XPO7: variants seen among roughly 807,000 people sequenced by gnomAD.
The protein encoded by XPO7 is exportin 7.
In XPO7, 21 loss-of-function variants were observed where a neutral mutation model predicts 144.3. The observed-to-expected ratio is 0.15, with a 90% CI of 0.10 to 0.21. The LOEUF is 0.21. Ranked by LOEUF, XPO7 falls within the 10% of genes least tolerant of loss-of-function variation. The pLI, the probability that XPO7 is intolerant of heterozygous loss-of-function variation, is 1.00. For missense variants in XPO7, 808 were observed against 1,325.8 expected (o/e 0.61, Z 6.06); for synonymous variants, 580 against 499.6 (o/e 1.16, Z -2.15).
At chr8:21,931,436 T>C (rs1214977555) in intron 1 of XPO7, among the ~76,000 whole-genome samples, 3 of 152,122 alleles carry the variant, frequency 2.0e-5, no homozygotes, top group Admixed American at 1.3e-4. Flanking sequence ...TGAGCCACCG[T>C]ACCTGGCCCA....
intron 21 of XPO7, 135 bp from the exon 22 acceptor site, chr8:21,998,620 C>T: frequency 1.6e-6 from 1 of 633,984 alleles, no homozygotes; most frequent in Non-Finnish European, 2.7e-6. Context: ...CTTGGTTATT[C>T]TCATATTAGG....
chr8:21,969,079 C>T (rs1029435573), intron 2 of XPO7, among the ~76,000 whole-genome samples: 5 of 152,110 alleles, frequency 3.3e-5, no homozygotes, highest in African/African-American at 9.7e-5. Flanking sequence ...AATATCATGC[C>T]ATAGAAATAT....
rs1178467299 is a variant in XPO7, at chr8:21,983,146, T to C, written c.1277+334T>C. On this transcript the variant is annotated intron_variant, in intron 11 of 27. Coordinates refer to ENST00000252512, the MANE Select transcript of XPO7 (RefSeq NM_015024.5). ...TATAAGATATAGATGATAAGAATTA[T>C]GTGTAACTTATAGGTGCTTAATGTG... 2.6e-5 allele frequency among the ~76,000 whole-genome samples: 4 copies of C among 152,266 alleles called. No homozygotes were observed. In the East Asian group the frequency reaches 7.7e-4, roughly 29 times the overall value.
chr8:21,998,994 G>A, intron 22 of XPO7, 97 bp from the exon 23 acceptor site: 1 of 1,490,340 alleles, frequency 6.7e-7, no homozygotes. Context: ...CTGTCACCAG[G>A]GGCCTACTGG....
At chr8:21,965,209 CT>C (rs536385386) in intron 1 of XPO7, among the ~76,000 whole-genome samples, 1 of 150,982 alleles carries the variant, frequency 6.6e-6, no homozygotes, top group South Asian at 2.1e-4. Context: ...GAAACAAAAC[CT>C]TGTGAAGGAG....
intron 1 of XPO7, among the ~76,000 whole-genome samples, chr8:21,954,791 G>A (rs1037358274): frequency 1.3e-5 from 2 of 152,138 alleles, no homozygotes; most frequent in African/African-American, 4.8e-5. Flanking sequence ...CTCATATTTT[G>A]ACTGCTTTAA....
intron 1 of XPO7, among the ~76,000 whole-genome samples, chr8:21,927,247 T>A (rs1810486756): frequency 6.6e-6 from 1 of 152,230 alleles, no homozygotes; most frequent in Non-Finnish European, 1.5e-5. Context: ...TTAATTAATT[T>A]AAATTAAATT....
chr8:21,974,276 G>A (rs1328965594), intron 5 of XPO7, among the ~76,000 whole-genome samples: 1 of 151,890 alleles, frequency 6.6e-6, no homozygotes, highest in African/African-American at 2.4e-5. Context: ...TGATCCTCCT[G>A]CCTCAACCTC....
At chr8:21,984,484 T>A (rs1209295338) in intron 11 of XPO7, among the ~76,000 whole-genome samples, 162 bp from the exon 12 acceptor site, 1 of 152,260 alleles carries the variant, frequency 6.6e-6, no homozygotes, top group African/African-American at 2.4e-5. Context: ...GACATTGGCC[T>A]TCTGCCTCAT....
intron 1 of XPO7, among the ~76,000 whole-genome samples, chr8:21,947,621 A>C (rs1166233648): frequency 1.3e-5 from 2 of 152,212 alleles, no homozygotes; most frequent in Non-Finnish European, 2.9e-5. Context: ...TTAGAAGATA[A>C]TATAAAAGAA....
intron 8 of XPO7, among the ~76,000 whole-genome samples, chr8:21,978,346 G>C (rs143286448): frequency 2.0e-5 from 3 of 152,144 alleles, no homozygotes; most frequent in African/African-American, 7.2e-5. Flanking sequence ...ATTCATTCAC[G>C]TTCTAAAATA....
chr8:21,948,449 C>T (rs1008099399), intron 1 of XPO7, among the ~76,000 whole-genome samples: 2 of 152,168 alleles, frequency 1.3e-5, no homozygotes, highest in Non-Finnish European at 2.9e-5. Flanking sequence ...TGCAGGTATG[C>T]CATCTAGATT....
chr8:21,963,486 G>T (rs1811789609), intron 1 of XPO7, among the ~76,000 whole-genome samples: 1 of 152,104 alleles, frequency 6.6e-6, no homozygotes, highest in South Asian at 2.1e-4. Context: ...ATGAGGTCAG[G>T]AGTTCAAGAC....
At chr8:21,997,967 A>G (rs150014475) in intron 21 of XPO7, among the ~76,000 whole-genome samples, 125 of 152,288 alleles carry the variant, frequency 8.2e-4, no homozygotes, top group Middle Eastern at 6.8e-3. Context: ...ATGGTTACAA[A>G]TGGCCTTCTC....
intron 1 of XPO7, among the ~76,000 whole-genome samples, chr8:21,965,702 T>TTTCCCAAA (rs1563324352): frequency 6.6e-6 from 1 of 152,236 alleles, no homozygotes; most frequent in Non-Finnish European, 1.5e-5. Context: ...ATATGAATCC[T>TTTCCCAAA]GCCCCAAAGG....
At chr8:21,962,964 TTTTAA>T (rs1432198953) in intron 1 of XPO7, among the ~76,000 whole-genome samples, 1 of 152,204 alleles carries the variant, frequency 6.6e-6, no homozygotes, top group Non-Finnish European at 1.5e-5. Flanking sequence ...AGTATAAATA[TTTTAA>T]TTTACTCAAC....
At chr8:21,934,757 A>G (rs1810768612) in intron 1 of XPO7, among the ~76,000 whole-genome samples, 1 of 152,158 alleles carries the variant, frequency 6.6e-6, no homozygotes, top group Non-Finnish European at 1.5e-5. Flanking sequence ...CTAGAATATG[A>G]TGGATTGCTA....
Position 22,002,179 on chromosome 8 carries a change from G to T in XPO7, c.2850G>T (p.Leu950=), listed in dbSNP as rs1393184370. ...DHIVTYLFKQ[L]SRSTKKRTTP... is the part of the protein sequence containing the mutation. Reference sequence around the variant, plus strand: ...TTGTGACATACCTCTTCAAGCAGCTGTCACGTAGCACCAAGAAGAGGACCA... The same window carrying T: ...TTGTGACATACCTCTTCAAGCAGCTTTCACGTAGCACCAAGAAGAGGACCA... The change falls in exon 25 of 28, where the codon CTG becomes CTT. Residue 950 remains leucine, a synonymous_variant. Coordinates refer to ENST00000252512, the MANE Select transcript of XPO7 (RefSeq NM_015024.5). 1 of 1,613,140 alleles carries T rather than the reference G, an allele frequency of 6.2e-7. No homozygotes were observed. The highest frequency in any genetic ancestry group is 1.7e-5 in the Admixed American group (1 of 59,886).
intron 27 of XPO7, 94 bp from the exon 28 acceptor site, chr8:22,004,901 A>C (rs1310710421): frequency 2.7e-5 from 17 of 634,290 alleles, no homozygotes; most frequent in South Asian, 4.0e-5. Context: ...CAATTCATAC[A>C]TTCTACTTCC....
Sources: allele counts gnomAD v4.1 joint callset (sites outside exome capture counted in the v4.1 genomes callset), GRCh38; gene constraint gnomAD v4.1.1; transcripts MANE v1.5; gene names NCBI Gene and HGNC (gene_info 2026-07-23, HGNC 2026-07-21).